SNX8: variants seen among roughly 807,000 people sequenced by gnomAD.
SNX8 encodes sorting nexin 8, also known as sorting nexin-8.
Under a neutral mutation model 51.6 loss-of-function variants are expected in SNX8, and 25 were observed. The observed-to-expected ratio is 0.48, with a 90% CI of 0.35 to 0.68. SNX8 has a LOEUF of 0.68. SNX8 is among the 30% of genes least tolerant of loss of function. The pLI is 0.00. For synonymous variants in SNX8, 324 were observed against 277.0 expected (o/e 1.17, Z -1.68); for missense variants, 695 against 624.0 (o/e 1.11, Z -1.21).
intron 1 of SNX8, among the ~76,000 whole-genome samples, chr7:2,346,344 G>A (rs1355713910): frequency 6.6e-6 from 1 of 151,878 alleles, no homozygotes; most frequent in East Asian, 1.9e-4. Context: ...TACTGGGGAG[G>A]CCGAAACAGG....
exon 1 of SNX8, chr7:2,354,289 C>G (rs554286002): frequency 1.7e-4 from 26 of 152,328 alleles, no homozygotes; most frequent in African/African-American, 6.0e-4. Context: ...CCCCGAATTC[C>G]TTTTCTATTT....
chr7:2,325,912 C>T (rs1778615546), intron 1 of SNX8, among the ~76,000 whole-genome samples: 1 of 152,056 alleles, frequency 6.6e-6, no homozygotes, highest in Admixed American at 6.6e-5. Flanking sequence ...GAAAGGGGGA[C>T]CCCATTATGT....
chr7:2,282,906 G>C (rs1469619440), intron 1 of SNX8, among the ~76,000 whole-genome samples: 1 of 152,130 alleles, frequency 6.6e-6, no homozygotes, highest in Admixed American at 6.6e-5. Context: ...TGGATCACGA[G>C]GTCAGGAGAT....
intron 1 of SNX8, among the ~76,000 whole-genome samples, chr7:2,285,138 G>A (rs983267304): frequency 4.6e-5 from 7 of 151,422 alleles, no homozygotes; most frequent in Admixed American, 2.6e-4. Context: ...CGTGAACCCG[G>A]GAGGCAGAAG....
chr7:2,353,353 T>C (rs1779206882), intron 1 of SNX8, among the ~76,000 whole-genome samples: 1 of 152,038 alleles, frequency 6.6e-6, no homozygotes, highest in Non-Finnish European at 1.5e-5. Context: ...GCCACCGCAC[T>C]CTAGCCTGGG....
chr7:2,305,735 C>T (rs1796530435), intron 1 of SNX8, among the ~76,000 whole-genome samples: 1 of 151,942 alleles, frequency 6.6e-6, no homozygotes, highest in Non-Finnish European at 1.5e-5. Context: ...TCTATGAACA[C>T]TCGAACAAAA....
intron 1 of SNX8, among the ~76,000 whole-genome samples, chr7:2,346,602 C>T (rs749791419): frequency 1.7e-4 from 25 of 151,146 alleles, no homozygotes; most frequent in African/African-American, 4.1e-4. Context: ...AAAAATTAGC[C>T]GGGCGTGGTG....
chr7:2,320,736 C>T (rs562630762), intron 1 of SNX8, among the ~76,000 whole-genome samples: 13 of 150,816 alleles, frequency 8.6e-5, no homozygotes, highest in African/African-American at 2.9e-4. Context: ...AAAATATAAA[C>T]AAGGCCAGGC....
intron 1 of SNX8, among the ~76,000 whole-genome samples, chr7:2,351,857 G>A (rs6970771): frequency 0.73 from 105,903 of 145,070 alleles, 38,880 homozygotes; most frequent in East Asian, 0.86. Context: ...AATAAATAAA[G>A]ATAATAATAA....
At chr7:2,271,821 C>T (rs199791223) in intron 4 of SNX8, 29 bp downstream of exon 4, 10 of 1,579,560 alleles carry the variant, frequency 6.3e-6, no homozygotes, top group South Asian at 2.3e-5. Flanking sequence ...TCCCCGGGGC[C>T]GGGACATGGG....
chr7:2,332,628 C>T (rs551901253), intron 1 of SNX8, among the ~76,000 whole-genome samples: 2 of 151,900 alleles, frequency 1.3e-5, no homozygotes, highest in South Asian at 4.2e-4. Flanking sequence ...GTGGAGGACA[C>T]CTGTAGTCCC....
chr7:2,312,740 G>A (rs1584732667), intron 1 of SNX8, among the ~76,000 whole-genome samples: 1 of 150,894 alleles, frequency 6.6e-6, no homozygotes, highest in East Asian at 1.9e-4. Context: ...CCCACAAGGG[G>A]ATTCCCCAAT....
intron 1 of SNX8, among the ~76,000 whole-genome samples, chr7:2,309,057 G>A (rs2115203709): frequency 6.6e-6 from 1 of 152,048 alleles, no homozygotes; most frequent in South Asian, 2.1e-4. Flanking sequence ...CCAAAGTGCT[G>A]GGATTACAGG....
At chr7:2,286,575 T>TG (rs1390769452) in intron 1 of SNX8, among the ~76,000 whole-genome samples, 5 of 151,436 alleles carry the variant, frequency 3.3e-5, no homozygotes, top group Admixed American at 2.0e-4. Flanking sequence ...TGGAGTGCAG[T>TG]GGCACGATCT....
At chr7:2,267,841 G>A (rs1192039236) in intron 5 of SNX8, among the ~76,000 whole-genome samples, 3 of 121,492 alleles carry the variant, frequency 2.5e-5, no homozygotes, top group African/African-American at 6.8e-5. Flanking sequence ...GTCTCCGCCC[G>A]GCCGCCATCC....
rs147502255 is a variant in SNX8, at chr7:2,293,371, C to T, written c.95-15066G>A. ...TGGCCAATGAGCACCTGAAAAGATG[C>T]TCAGTCGGGTGCGGTGGCTCACGCC... On this transcript the variant is annotated intron_variant, in intron 1 of 10. Transcript: ENST00000222990. Among the ~76,000 whole-genome samples, 452 of 152,042 alleles carry T rather than the reference C, an allele frequency of 3.0e-3. 3 individuals are homozygous for T. Among genetic ancestry groups the T allele is most frequent in the Admixed American group, 5.3e-3 (81 of 15,276 alleles).
upstream of SNX8, among the ~76,000 whole-genome samples, chr7:2,317,301 CAG>C (rs1346985808): frequency 1.3e-5 from 1 of 79,988 alleles, no homozygotes; most frequent in Non-Finnish European, 2.2e-5. Context: ...TTTTTTGAGA[CAG>C]AGTCTCACTC....
At chr7:2,303,647 G>C (rs1414541146) in intron 1 of SNX8, among the ~76,000 whole-genome samples, 2 of 152,176 alleles carry the variant, frequency 1.3e-5, no homozygotes, top group Admixed American at 6.5e-5. Context: ...GTTGATCTGT[G>C]ACCTTACCAC....
At position 2,269,517 on chromosome 7, in the gene SNX8, A is replaced by G. The variant is rs1312528692; in HGVS notation, c.621+42T>C. 17 of 1,215,118 alleles carry G rather than the reference A, an allele frequency of 1.4e-5. No individual in the cohort carries two copies. The Admixed American group carries it at 2.1e-4, about 15-fold the overall frequency. The allele number at this position is 1,215,118 out of a possible 1,614,324, so 75.3% of individuals were successfully genotyped here. A position where few individuals can be genotyped will look rare whatever the true frequency, so the allele number is the denominator to read the frequency against. ...ACACCCAAGAATGATCAATAAAAAA[A>G]TAAATTAAAAAAAAAAAAAAAGAAA... On this transcript the variant is annotated intron_variant, in intron 5 of 10. Coordinates refer to ENST00000222990, the MANE Select transcript of SNX8 (RefSeq NM_013321.4).
Sources: allele counts gnomAD v4.1 joint callset (sites outside exome capture counted in the v4.1 genomes callset), GRCh38; gene constraint gnomAD v4.1.1; transcripts MANE v1.5; gene names NCBI Gene and HGNC (gene_info 2026-07-23, HGNC 2026-07-21).